Variants in CCDC149 observed in about 807,000 individuals in gnomAD.
CCDC149 encodes coiled-coil domain containing 149.
A neutral mutation model predicts 59.9 loss-of-function variants in CCDC149; 45 were observed. The observed-to-expected ratio is 0.75, with a 90% CI of 0.59 to 0.96. The LOEUF is 0.96. CCDC149 is among the 40% of genes least tolerant of loss of function. CCDC149 has a pLI of 0.00. For synonymous variants in CCDC149, 245 were observed against 260.6 expected (o/e 0.94, Z 0.58); for missense variants, 584 against 664.7 (o/e 0.88, Z 1.33).
chr4:24,854,670 G>C (rs1330566636), intron 3 of CCDC149, among the ~76,000 whole-genome samples: 1 of 152,170 alleles, frequency 6.6e-6, no homozygotes, highest in Non-Finnish European at 1.5e-5. Context: ...ACTAAAAACA[G>C]AATTAAAGGG....
chr4:24,916,509 C>T (rs953028327), upstream of CCDC149, among the ~76,000 whole-genome samples: 1 of 152,140 alleles, frequency 6.6e-6, no homozygotes, highest in Non-Finnish European at 1.5e-5. Context: ...GTCTCGGCAG[C>T]CCCAGACACG....
chr4:24,946,611 G>T (rs906574073), intron 1 of CCDC149, among the ~76,000 whole-genome samples: 1 of 152,140 alleles, frequency 6.6e-6, no homozygotes, highest in African/African-American at 2.4e-5. Context: ...TAGCTAGTGA[G>T]AAAATAAAAT....
chr4:24,831,743 C>T (rs752915175), intron 8 of CCDC149, 93 bp from the exon 9 acceptor site: 208 of 1,154,044 alleles, frequency 1.8e-4, no homozygotes, highest in Non-Finnish European at 2.4e-4. Flanking sequence ...AATGATATGT[C>T]CCCAGCTTCA....
At chr4:24,876,437 T>C (rs1719444590) in intron 2 of CCDC149, 99 bp downstream of exon 2, 1 of 1,353,836 alleles carries the variant, frequency 7.4e-7, no homozygotes, top group African/African-American at 1.5e-5. Flanking sequence ...TTTGAACTGT[T>C]TGCATTTAAC....
In CCDC149 at chr4:24,874,269, T is replaced by TTTG. The variant is rs1719267367; in HGVS notation, c.226-551_226-550insCAA. The stretch of plus-strand genomic sequence containing the variant: ...GTTTTTTTTTTTTTTTGTTTTGTTT[T>TTTG]TTTTTGTTTTTTTGCCTTAAAAGGA... On this transcript the variant is annotated intron_variant, in intron 2 of 12. Coordinates refer to ENST00000635206, the MANE Select transcript of CCDC149 (RefSeq NM_001330643.2). Among the ~76,000 whole-genome samples, 3 of 44,372 alleles carry TTTG rather than the reference T, an allele frequency of 6.8e-5. 1 individual carries two copies. Among genetic ancestry groups the TTTG allele is most frequent in the African/African-American group, 1.3e-4 (2 of 15,976 alleles). 29.1% of individuals were successfully genotyped at this position (44,372 alleles called of 152,430 possible).
intron 9 of CCDC149, among the ~76,000 whole-genome samples, chr4:24,823,712 C>A (rs926335023): frequency 1.6e-4 from 24 of 152,172 alleles, no homozygotes; most frequent in African/African-American, 5.3e-4. Flanking sequence ...CCTTGTTTTA[C>A]CTGAATTGAC....
At chr4:24,963,926 C>A (rs777782623) in intron 1 of CCDC149, among the ~76,000 whole-genome samples, 9 of 152,072 alleles carry the variant, frequency 5.9e-5, no homozygotes, top group Non-Finnish European at 1.3e-4. Context: ...CTTTGGGAGG[C>A]CAAGGTAGGA....
chr4:24,878,216 TAA>T (rs66494953), intron 1 of CCDC149, among the ~76,000 whole-genome samples: 22,078 of 124,626 alleles, frequency 0.18, 1,622 homozygotes, highest in Admixed American at 0.25. Context: ...TTTTTTTTCC[TAA>T]AAAAAAAAAA....
At chr4:24,813,503 T>TATATATATATATATATATATAC (rs1714787892) in intron 12 of CCDC149, among the ~76,000 whole-genome samples, 6 of 135,690 alleles carry the variant, frequency 4.4e-5, no homozygotes, top group African/African-American at 1.7e-4. Context: ...TATATATATA[T>TATATATATATATATATATATAC]ATATATATAT....
At chr4:24,973,648 C>T (rs1724049198) in intron 1 of CCDC149, among the ~76,000 whole-genome samples, 1 of 152,194 alleles carries the variant, frequency 6.6e-6, no homozygotes, top group African/African-American at 2.4e-5. Context: ...CAGATTCCAG[C>T]CATCCATCGG....
chr4:24,866,686 T>G (rs1185259476), intron 3 of CCDC149, among the ~76,000 whole-genome samples: 1 of 151,890 alleles, frequency 6.6e-6, no homozygotes, highest in Admixed American at 6.6e-5. Context: ...ATTCGTTGTT[T>G]TAAAAAGGAT....
chr4:24,908,624 C>G (rs960368749), intron 1 of CCDC149, among the ~76,000 whole-genome samples: 2 of 152,150 alleles, frequency 1.3e-5, no homozygotes, highest in Non-Finnish European at 2.9e-5. Flanking sequence ...CCCTTGGGCC[C>G]AGGAGATGGA....
At chr4:24,978,414 T>C (rs1463884910) in intron 1 of CCDC149, among the ~76,000 whole-genome samples, 1 of 152,246 alleles carries the variant, frequency 6.6e-6, no homozygotes, top group Non-Finnish European at 1.5e-5. Context: ...CCTCATTTAA[T>C]GTAGACACCA....
intron 1 of CCDC149, among the ~76,000 whole-genome samples, chr4:24,973,998 C>T (rs567996723): frequency 1.4e-4 from 21 of 152,360 alleles, no homozygotes; most frequent in African/African-American, 4.8e-4. Context: ...GCAAGAGTCA[C>T]GGTCAGTTGC....
At chr4:24,833,620 T>TA (rs1716309660) in intron 8 of CCDC149, among the ~76,000 whole-genome samples, 1 of 149,618 alleles carries the variant, frequency 6.7e-6, no homozygotes, top group African/African-American at 2.4e-5. Flanking sequence ...TGAGACTGTC[T>TA]CAAAAAAAAA....
intron 2 of CCDC149, 97 bp from the exon 3 acceptor site, chr4:24,873,816 T>TGGGGGCC: frequency 9.2e-6 from 7 of 762,646 alleles, no homozygotes; most frequent in Non-Finnish European, 1.1e-5. Flanking sequence ...ATGTAGACTC[T>TGGGGGCC]CCCCACCCTC....
At chr4:24,933,392 G>T (rs115301764) in intron 1 of CCDC149, among the ~76,000 whole-genome samples, 488 of 152,178 alleles carry the variant, frequency 3.2e-3, no homozygotes, top group African/African-American at 0.011. Context: ...ACAAATGCCT[G>T]GTAAGTTTTT....
intron 1 of CCDC149, among the ~76,000 whole-genome samples, chr4:24,947,379 T>C (rs1723141407): frequency 6.6e-6 from 1 of 152,220 alleles, no homozygotes; most frequent in Non-Finnish European, 1.5e-5. Flanking sequence ...GGACATGTTT[T>C]CTTCCCCTTC....
chr4:24,859,965 C>T (rs1718273476), intron 3 of CCDC149, among the ~76,000 whole-genome samples: 1 of 152,130 alleles, frequency 6.6e-6, no homozygotes, highest in African/African-American at 2.4e-5. Flanking sequence ...AATAGAAACA[C>T]ACCCCGTGCT....
Sources: allele counts gnomAD v4.1 joint callset (sites outside exome capture counted in the v4.1 genomes callset), GRCh38; gene constraint gnomAD v4.1.1; transcripts MANE v1.5; gene names NCBI Gene and HGNC (gene_info 2026-07-23, HGNC 2026-07-21).